FCHSD2: variants seen among roughly 807,000 people sequenced by gnomAD.
FCHSD2 encodes FCH and double SH3 domains 2.
FCHSD2 carries 38 observed loss-of-function variants against 108.1 expected under a neutral mutation model. That is an observed-to-expected ratio of 0.35 (90% confidence interval 0.27 to 0.46). The LOEUF is 0.46. Ranked by LOEUF, FCHSD2 falls within the 20% of genes least tolerant of loss-of-function variation. The pLI, the probability that FCHSD2 is intolerant of heterozygous loss-of-function variation, is 1.00. For synonymous variants in FCHSD2, 279 were observed against 314.7 expected (o/e 0.89, Z 1.20); for missense variants, 751 against 897.8 (o/e 0.84, Z 2.09).
At chr11:73,027,332 C>T (rs568334904) in intron 3 of FCHSD2, among the ~76,000 whole-genome samples, 1 of 152,324 alleles carries the variant, frequency 6.6e-6, no homozygotes, top group East Asian at 1.9e-4. Flanking sequence ...AACAGAGAGA[C>T]TGGCAGCATT....
chr11:72,871,124 C>CA (rs1854849053), intron 12 of FCHSD2, among the ~76,000 whole-genome samples: 1 of 152,030 alleles, frequency 6.6e-6, no homozygotes. Context: ...AACAAGTAAC[C>CA]ACAGAACTAG....
At chr11:72,956,824 G>GAA (rs57304246) in intron 8 of FCHSD2, among the ~76,000 whole-genome samples, 102 of 143,542 alleles carry the variant, frequency 7.1e-4, no homozygotes, top group African/African-American at 2.5e-3. Context: ...TTTCATAGTG[G>GAA]AAAAAAAAAA....
chr11:73,038,293 G>C (rs1490137446), intron 3 of FCHSD2, among the ~76,000 whole-genome samples: 2 of 151,106 alleles, frequency 1.3e-5, no homozygotes, highest in Non-Finnish European at 2.9e-5. Flanking sequence ...AGTGAGCTAT[G>C]ATTGTGCCAC....
chr11:73,117,345 A>G (rs1211221221), intron 2 of FCHSD2, among the ~76,000 whole-genome samples: 2 of 152,146 alleles, frequency 1.3e-5, no homozygotes, highest in Non-Finnish European at 1.5e-5. Context: ...AAGAGTCCAC[A>G]CTCTTAAATA....
intron 13 of FCHSD2, among the ~76,000 whole-genome samples, chr11:72,851,945 CG>C (rs1348312825): frequency 1.4e-5 from 2 of 142,386 alleles, no homozygotes; most frequent in Non-Finnish European, 1.5e-5. Context: ...GACACAATCA[CG>C]GTTCATTGCA....
At chr11:73,120,671 G>C (rs1399312166) in intron 2 of FCHSD2, among the ~76,000 whole-genome samples, 1 of 152,076 alleles carries the variant, frequency 6.6e-6, no homozygotes, top group African/African-American at 2.4e-5. Flanking sequence ...GGAGGCTGCA[G>C]TGAGCTGAGA....
intron 8 of FCHSD2, among the ~76,000 whole-genome samples, chr11:72,933,623 G>T (rs190317672): frequency 6.6e-6 from 1 of 152,196 alleles, no homozygotes; most frequent in Non-Finnish European, 1.5e-5. Flanking sequence ...TGGTTGCATT[G>T]TAAGGAAAAA....
At chr11:72,953,331 C>T (rs1031055971) in intron 8 of FCHSD2, among the ~76,000 whole-genome samples, 2 of 152,132 alleles carry the variant, frequency 1.3e-5, no homozygotes, top group Non-Finnish European at 2.9e-5. Context: ...ATTCCTTTTT[C>T]ACAATTTCTT....
At chr11:72,966,068 G>C (rs1856900009) in intron 8 of FCHSD2, among the ~76,000 whole-genome samples, 1 of 151,864 alleles carries the variant, frequency 6.6e-6, no homozygotes, top group South Asian at 2.1e-4. Context: ...AAACAATAAA[G>C]AAAAGCATGG....
At chr11:73,088,267 T>C (rs756007542) in intron 2 of FCHSD2, among the ~76,000 whole-genome samples, 4 of 152,210 alleles carry the variant, frequency 2.6e-5, no homozygotes, top group Non-Finnish European at 5.9e-5. Flanking sequence ...CTGCCTACAG[T>C]ATTCAGTACA....
chr11:73,071,233 A>C (rs1163337218), intron 3 of FCHSD2, among the ~76,000 whole-genome samples: 1 of 152,124 alleles, frequency 6.6e-6, no homozygotes, highest in Non-Finnish European at 1.5e-5. Flanking sequence ...AGAGTTACAA[A>C]AACTAGTCAA....
At chr11:72,864,336 G>A (rs775818704) in intron 13 of FCHSD2, among the ~76,000 whole-genome samples, 3 of 152,124 alleles carry the variant, frequency 2.0e-5, no homozygotes, top group Non-Finnish European at 4.4e-5. Flanking sequence ...CAACGTGGGC[G>A]GACTGCTTGA....
At chr11:73,055,792 T>C (rs1448008486) in intron 3 of FCHSD2, among the ~76,000 whole-genome samples, 1 of 152,182 alleles carries the variant, frequency 6.6e-6, no homozygotes, top group Admixed American at 6.6e-5. Context: ...AACATCGTGA[T>C]TCCATTTATA....
rs188706353 is a variant in FCHSD2, at chr11:72,908,950, T to G, written c.829-6312A>C. Among the ~76,000 whole-genome samples, 3 of 152,154 alleles carry G rather than the reference T, an allele frequency of 2.0e-5. No homozygotes were observed. In the East Asian group the frequency reaches 5.8e-4, roughly 30 times the overall value. Reference sequence around the variant, plus strand: ...ATTACAGGTGTGAGCCATTGCATGTTGCCCTGTCTGCTATTTATATGTCCT... The same window carrying G: ...ATTACAGGTGTGAGCCATTGCATGTGGCCCTGTCTGCTATTTATATGTCCT... On this transcript the variant is annotated intron_variant, in intron 9 of 19. Coordinates refer to ENST00000409418, the MANE Select transcript of FCHSD2 (RefSeq NM_014824.3).
chr11:73,055,255 G>A (rs1016379979), intron 3 of FCHSD2, among the ~76,000 whole-genome samples: 5 of 151,774 alleles, frequency 3.3e-5, no homozygotes, highest in Non-Finnish European at 7.4e-5. Context: ...AATTCAAGAT[G>A]AGATTTGGGT....
At chr11:72,903,841 T>C (rs991592715) in intron 9 of FCHSD2, among the ~76,000 whole-genome samples, 2 of 152,188 alleles carry the variant, frequency 1.3e-5, no homozygotes, top group Admixed American at 6.5e-5. Context: ...GTAGTAGGTG[T>C]ATATTGCATT....
intron 8 of FCHSD2, among the ~76,000 whole-genome samples, chr11:72,943,717 C>T (rs573109802): frequency 6.6e-6 from 1 of 152,160 alleles, no homozygotes; most frequent in East Asian, 1.9e-4. Flanking sequence ...CAGAATGATA[C>T]CTCACACTTA....
At chr11:73,128,294 C>T (rs1860907063) in intron 2 of FCHSD2, among the ~76,000 whole-genome samples, 1 of 152,084 alleles carries the variant, frequency 6.6e-6, no homozygotes, top group African/African-American at 2.4e-5. Context: ...TTTTTTAATA[C>T]TTTTATGGGA....
At chr11:72,986,738 T>A (rs1416937582) in intron 6 of FCHSD2, among the ~76,000 whole-genome samples, 1 of 152,212 alleles carries the variant, frequency 6.6e-6, no homozygotes, top group Non-Finnish European at 1.5e-5. Flanking sequence ...CCTAATATAC[T>A]TCTTGTGTAG....
Sources: allele counts gnomAD v4.1 joint callset (sites outside exome capture counted in the v4.1 genomes callset), GRCh38; gene constraint gnomAD v4.1.1; transcripts MANE v1.5; gene names NCBI Gene and HGNC (gene_info 2026-07-23, HGNC 2026-07-21).